Variants in FECH observed in about 807,000 individuals in gnomAD.
FECH encodes the protein ferrochelatase, mitochondrial.
FECH carries 40 observed loss-of-function variants against 56.9 expected under a neutral mutation model. The ratio of observed to expected loss-of-function variants is 0.70; its 90% CI spans 0.55 to 0.92. The LOEUF is 0.92. Ranked by LOEUF, FECH falls within the 40% of genes least tolerant of loss-of-function variation. The pLI is 0.00. For missense variants in FECH, 431 were observed against 529.1 expected (o/e 0.81, Z 1.82); for synonymous variants, 175 against 198.6 (o/e 0.88, Z 1.00).
In FECH at chr18:57,545,442, G is replaced by A. The variant is rs2050707849; in HGVS notation, c.*5270C>T. ...TTTCACTTCCTTTTCTCTGAAGAAA[G>A]GCTTAGTAAGAGTCCCACATCAAAA... On this transcript the variant is annotated 3_prime_UTR_variant, in exon 11 of 11. Coordinates refer to ENST00000262093, the MANE Select transcript of FECH (RefSeq NM_000140.5). Among the ~76,000 whole-genome samples, 1 of 152,132 alleles carries A rather than the reference G, an allele frequency of 6.6e-6. No homozygotes were observed. Among genetic ancestry groups the A allele is most frequent in the Admixed American group, 6.5e-5 (1 of 15,272 alleles).
At position 57,551,340 on chromosome 18, in the gene FECH, A is replaced by G; in HGVS notation, c.1112T>C (p.Leu371Pro). ...CTTAGAGAACAATGGATTTCCATTA[A>G]GAGACTCAGCTCTTCTGATGTTTTC... ...GVENIRRAESLNGNPLFSKAL... is the reference protein window; with the variant it reads ...GVENIRRAESPNGNPLFSKAL... The change falls in exon 10 of 11, where the codon CTT becomes CCT. Residue 371 changes from leucine (L) to proline (P), a missense_variant. Leu to Pro is a moderately conservative substitution (Grantham distance 98, BLOSUM62 -3). Coordinates refer to ENST00000262093, the MANE Select transcript of FECH (RefSeq NM_000140.5). The G allele has an allele frequency of 6.2e-7, 1 of 1,613,176 alleles. No individual in the cohort carries two copies. The highest frequency in any genetic ancestry group is 8.5e-7 in the Non-Finnish European group (1 of 1,179,190).
intron 2 of FECH, 113 bp from the exon 3 acceptor site, chr18:57,573,478 T>C (rs1024753851): frequency 4.4e-5 from 56 of 1,262,504 alleles, no homozygotes; most frequent in African/African-American, 7.3e-5. Context: ...GTAAATACTA[T>C]GGCTCTTTTC....
At position 57,546,590 on chromosome 18, in the gene FECH, A is replaced by G. The variant is rs1439751413; in HGVS notation, c.*4122T>C. On this transcript the variant is annotated 3_prime_UTR_variant, in exon 11 of 11. Coordinates refer to ENST00000262093, the MANE Select transcript of FECH (RefSeq NM_000140.5). The stretch of plus-strand genomic sequence containing the variant: ...GAATTAAATATGGAATTTACTAGAA[A>G]GATTAGCCCACCTCTTGCATCAGCG... 6.6e-6 allele frequency among the ~76,000 whole-genome samples: 1 copy of G among 152,212 alleles called. No individual in the cohort carries two copies. The highest frequency in any genetic ancestry group is 2.4e-5 in the African/African-American group (1 of 41,452).
intron 1 of FECH, chr18:57,585,863 C>T (rs1238355646): frequency 6.6e-6 from 1 of 152,240 alleles, no homozygotes; most frequent in Admixed American, 6.5e-5. Flanking sequence ...TGTACATTTA[C>T]CAAAGCTCTG....
chr18:57,552,476 T>C (rs2050812458), intron 9 of FECH, among the ~76,000 whole-genome samples: 1 of 151,894 alleles, frequency 6.6e-6, no homozygotes, highest in Non-Finnish European at 1.5e-5. Context: ...TCTCAACTCA[T>C]TGCAACCTCC....
intron 4 of FECH, among the ~76,000 whole-genome samples, chr18:57,569,081 C>T (rs79533069): frequency 6.6e-5 from 10 of 152,280 alleles, no homozygotes; most frequent in African/African-American, 1.4e-4. Context: ...ACGCTGCATC[C>T]GGGAAAGAAC....
At chr18:57,573,088 G>T (rs1248962671) in intron 3 of FECH, 158 bp downstream of exon 3, 6 of 775,668 alleles carry the variant, frequency 7.7e-6, no homozygotes, top group Middle Eastern at 3.4e-4. Flanking sequence ...GCAATTTTCT[G>T]ATATCATATC....
intron 9 of FECH, among the ~76,000 whole-genome samples, chr18:57,551,801 G>A (rs1272613950): frequency 1.3e-5 from 2 of 152,018 alleles, no homozygotes; most frequent in Non-Finnish European, 2.9e-5. Context: ...GCCAAAATGA[G>A]GTAAATTAAC....
At chr18:57,572,867 A>G in intron 3 of FECH, 1 of 178,424 alleles carries the variant, frequency 5.6e-6, no homozygotes, top group Non-Finnish European at 1.2e-5. Flanking sequence ...TGAAAGGAAA[A>G]GAAGGGCAGC....
chr18:57,570,022 TTGTTGTTGTCG>T (rs1386192041), intron 4 of FECH, among the ~76,000 whole-genome samples: 2 of 119,348 alleles, frequency 1.7e-5, no homozygotes, highest in African/African-American at 2.9e-5. Flanking sequence ...GTTGTTGTTG[TTGTTGTTGTCG>T]TGTGTGTGTG....
chr18:57,563,403 G>A (rs1443801471), intron 5 of FECH, among the ~76,000 whole-genome samples: 1 of 151,886 alleles, frequency 6.6e-6, no homozygotes. Context: ...CCAACGTGGA[G>A]AAACCCTATC....
At chr18:57,551,765 G>GT (rs1180737583) in intron 9 of FECH, among the ~76,000 whole-genome samples, 1 of 152,078 alleles carries the variant, frequency 6.6e-6, no homozygotes, top group Non-Finnish European at 1.5e-5. Flanking sequence ...TGTAAATATA[G>GT]TTTCATACTT....
chr18:57,551,197 G>T, intron 10 of FECH, 118 bp downstream of exon 10: 1 of 790,224 alleles, frequency 1.3e-6, no homozygotes, highest in Non-Finnish European at 2.1e-6. Flanking sequence ...TTTTATTTTT[G>T]TAATTAATTG....
Position 57,547,623 on chromosome 18 carries a change from CTGTATTTCTT to C in FECH, c.*3079_*3088del, listed in dbSNP as rs923076163. On this transcript the variant is annotated 3_prime_UTR_variant, in exon 11 of 11. Coordinates refer to ENST00000262093, the MANE Select transcript of FECH (RefSeq NM_000140.5). ...CTTTCCTTTGTAAATGACCCAGTCT[CTGTATTTCTT>C]TTCTTTTTTTTGGTTTTGGGACAGG... 6.6e-6 allele frequency among the ~76,000 whole-genome samples: 1 copy of C among 152,042 alleles called. No homozygotes were observed. The highest frequency in any genetic ancestry group is 2.4e-5 in the African/African-American group (1 of 41,412).
At chr18:57,576,253 T>G (rs1354412551) in intron 2 of FECH, among the ~76,000 whole-genome samples, 1 of 152,204 alleles carries the variant, frequency 6.6e-6, no homozygotes, top group Non-Finnish European at 1.5e-5. Flanking sequence ...GAAAGAGGGC[T>G]TAATCCCCTT....
intron 2 of FECH, among the ~76,000 whole-genome samples, chr18:57,576,342 C>T (rs925255772): frequency 2.6e-5 from 4 of 152,188 alleles, no homozygotes; most frequent in Admixed American, 6.5e-5. Context: ...ACTGCATTAA[C>T]GGGTGTGTTG....
intron 2 of FECH, among the ~76,000 whole-genome samples, chr18:57,575,850 G>A (rs1337504617): frequency 6.6e-6 from 1 of 152,196 alleles, no homozygotes; most frequent in East Asian, 1.9e-4. Context: ...TGTTGTATAA[G>A]TGGATGAGGT....
intron 1 of FECH, among the ~76,000 whole-genome samples, chr18:57,585,442 C>T (rs1485073753): frequency 6.6e-6 from 1 of 152,204 alleles, no homozygotes; most frequent in African/African-American, 2.4e-5. Flanking sequence ...TTATTTGCCA[C>T]AGGAAAGGTC....
intron 8 of FECH, 31 bp downstream of exon 8, chr18:57,554,814 C>T: frequency 1.3e-6 from 2 of 1,556,716 alleles, no homozygotes; most frequent in South Asian, 1.1e-5. Context: ...CCAATAAGAG[C>T]TGGCCGCCCG....
Sources: allele counts gnomAD v4.1 joint callset (sites outside exome capture counted in the v4.1 genomes callset), GRCh38; gene constraint gnomAD v4.1.1; transcripts MANE v1.5; gene names NCBI Gene and HGNC (gene_info 2026-07-23, HGNC 2026-07-21).